PLCG2: variants seen among roughly 807,000 people sequenced by gnomAD.
PLCG2 encodes 1-phosphatidylinositol 4,5-bisphosphate phosphodiesterase gamma-2.
In PLCG2, 69 loss-of-function variants were observed where a neutral mutation model predicts 175.6. The ratio of observed to expected loss-of-function variants is 0.39; its 90% confidence interval spans 0.32 to 0.48. PLCG2 has a LOEUF of 0.48. PLCG2 is among the 20% of genes least tolerant of loss of function. The pLI is 0.91. For synonymous variants in PLCG2, 827 were observed against 624.0 expected (o/e 1.33, Z -4.85); for missense variants, 1,798 against 1,650.9 (o/e 1.09, Z -1.54).
rs1050583044 is a variant in PLCG2 at position 81,960,829 on chromosome 16, C to T, written c.*2831C>T. On this transcript the variant is annotated 3_prime_UTR_variant, in exon 33 of 33. Transcript: ENST00000564138. ...ACCCCTGGGAGTATACCAGAGCTTTCCAAGGAATACACAGACTCCAGTACT... is the reference window on the plus strand; with the variant it reads ...ACCCCTGGGAGTATACCAGAGCTTTTCAAGGAATACACAGACTCCAGTACT... The T allele has an allele frequency of 1.7e-5, 4 of 229,540 alleles. No individual in the cohort carries two copies. The highest frequency in any genetic ancestry group is 8.9e-5 in the African/African-American group (4 of 45,130). 14.2% of individuals were successfully genotyped at this position (229,540 alleles called of 1,614,324 possible).
intron 1 of PLCG2, among the ~76,000 whole-genome samples, chr16:81,751,781 G>A (rs1597302776): frequency 6.6e-6 from 1 of 152,108 alleles, no homozygotes. Context: ...TAGCCCTTTG[G>A]GAAGTCACGG....
At chr16:81,918,018 C>T (rs575349182) in intron 19 of PLCG2, among the ~76,000 whole-genome samples, 7 of 152,302 alleles carry the variant, frequency 4.6e-5, no homozygotes, top group South Asian at 2.1e-4. Flanking sequence ...CCACCACGCC[C>T]GGCCTTTGTC....
At chr16:81,929,205 G>A (rs1326558734) in intron 24 of PLCG2, among the ~76,000 whole-genome samples, 1 of 152,178 alleles carries the variant, frequency 6.6e-6, no homozygotes, top group African/African-American at 2.4e-5. Context: ...CCTGGGTCTT[G>A]AGCCTGCCTG....
At chr16:81,827,769 TTAC>T (rs1905102027) in intron 2 of PLCG2, among the ~76,000 whole-genome samples, 1 of 152,034 alleles carries the variant, frequency 6.6e-6, no homozygotes, top group African/African-American at 2.4e-5. Context: ...ATGTAGGTTG[TTAC>T]TGTGAAATCT....
intron 2 of PLCG2, among the ~76,000 whole-genome samples, chr16:81,772,327 C>A (rs899889948): frequency 1.3e-5 from 2 of 152,152 alleles, no homozygotes; most frequent in Non-Finnish European, 2.9e-5. Context: ...GGCAGATTCT[C>A]ACCTAGGGCC....
chr16:81,806,865 C>G (rs1483627443), intron 2 of PLCG2, among the ~76,000 whole-genome samples: 2 of 151,654 alleles, frequency 1.3e-5, no homozygotes, highest in African/African-American at 2.4e-5. Flanking sequence ...GATAGCCAGC[C>G]AAGCAGGGTG....
At chr16:81,858,438 G>GA (rs67392656) in intron 4 of PLCG2, 82 bp downstream of exon 4, 536 of 579,832 alleles carry the variant, frequency 9.2e-4, no homozygotes, top group East Asian at 3.2e-3. Flanking sequence ...CTACAGGGGG[G>GA]AAAAAAAAAA....
At chr16:81,758,243 G>C (rs1368922061) in intron 2 of PLCG2, among the ~76,000 whole-genome samples, 1 of 152,218 alleles carries the variant, frequency 6.6e-6, no homozygotes, top group Non-Finnish European at 1.5e-5. Flanking sequence ...CTCCCAAAGT[G>C]CTGGGATTAG....
At chr16:81,834,432 G>C (rs1334278194) in intron 2 of PLCG2, among the ~76,000 whole-genome samples, 1 of 152,126 alleles carries the variant, frequency 6.6e-6, no homozygotes, top group African/African-American at 2.4e-5. Context: ...TAGACTGGCA[G>C]GACTCAGACC....
chr16:81,808,536 C>T (rs112311537), intron 2 of PLCG2, among the ~76,000 whole-genome samples: 47 of 152,148 alleles, frequency 3.1e-4, no homozygotes, highest in African/African-American at 9.4e-4. Flanking sequence ...CTCTGTCGCC[C>T]AGGCTGGAGT....
chr16:81,825,283 ATTTTTTTTT>A, intron 2 of PLCG2, among the ~76,000 whole-genome samples: 2 of 115,898 alleles, frequency 1.7e-5, no homozygotes, highest in South Asian at 2.7e-4. Context: ...AGATGCTCTA[ATTTTTTTTT>A]TTTTTTTTTT....
chr16:81,807,749 G>A (rs1010018963), intron 2 of PLCG2, among the ~76,000 whole-genome samples: 1 of 152,198 alleles, frequency 6.6e-6, no homozygotes, highest in Non-Finnish European at 1.5e-5. Flanking sequence ...TTGACTCACA[G>A]TTCAGCATGG....
chr16:81,919,679 C>A lies in PLCG2; in HGVS notation c.2235+15C>A. 6.2e-7 allele frequency: 1 copy of A among 1,601,064 alleles called. No individual in the cohort carries two copies. On this transcript the variant is annotated intron_variant, in intron 20 of 32. Transcript: ENST00000564138. ...GCTACAATATGGTAGGTGGTGGACT[C>A]CCTTGTGATTTGGTGGGATTTCTTG...
chr16:81,895,616 T>G (rs1053303973), intron 12 of PLCG2, 191 bp from the exon 13 acceptor site: 12 of 571,140 alleles, frequency 2.1e-5, no homozygotes, highest in Admixed American at 1.3e-4. Flanking sequence ...CTTGGACAGC[T>G]GCACTTGCAT....
intron 2 of PLCG2, among the ~76,000 whole-genome samples, chr16:81,761,870 C>T (rs1419969644): frequency 6.9e-6 from 1 of 144,830 alleles, no homozygotes; most frequent in Admixed American, 7.1e-5. Flanking sequence ...CTTGTTCTGT[C>T]ACCCAGGCTG....
chr16:81,933,668 T>C (rs548812101), intron 25 of PLCG2, among the ~76,000 whole-genome samples: 1 of 152,056 alleles, frequency 6.6e-6, no homozygotes, highest in South Asian at 2.1e-4. Flanking sequence ...AGGGTGTGGA[T>C]TGACTTAGGT....
chr16:81,931,565 C>A lies in PLCG2; in HGVS notation c.2650C>A (p.Pro884Thr). 6.2e-7 allele frequency: 1 copy of A among 1,614,016 alleles called. No individual in the cohort carries two copies. The highest frequency in any genetic ancestry group is 8.5e-7 in the Non-Finnish European group (1 of 1,179,944). Reference protein sequence around the residue: ...FILEPKQQGDPPVEFATDRVE... With the variant: ...FILEPKQQGDTPVEFATDRVE... ...CCTGGAGCCCAAGCAGCAGGGCGAT[C>A]CTCCGGTGGAGTTTGCCACAGACAG... Residue 884 changes from proline to threonine, a missense_variant, in exon 25 of 33, where the codon CCT (proline) becomes ACT (threonine). Physicochemically the swap from Pro to Thr is conservative, Grantham distance 38 (BLOSUM62 -1). Coordinates refer to ENST00000564138, the MANE Select transcript of PLCG2 (RefSeq NM_002661.5).
chr16:81,959,036 G>T lies in PLCG2; in HGVS notation c.*1038G>T, dbSNP rs539380046. The T allele has an allele frequency of 2.7e-5, 6 of 223,272 alleles. No homozygotes were observed. The highest frequency in any genetic ancestry group is 3.7e-4 in the South Asian group (2 of 5,440). 13.8% of individuals were successfully genotyped at this position (223,272 alleles called of 1,614,324 possible). ...CATGACAGTATGTGCGGCTGGCCAG[G>T]GCTTTACACCTCTGCATCTTAAGTT... On this transcript the variant is annotated 3_prime_UTR_variant, in exon 33 of 33. Transcript: ENST00000564138.
At chr16:81,850,366 A>G (rs1418161941) in intron 2 of PLCG2, among the ~76,000 whole-genome samples, 41 of 152,212 alleles carry the variant, frequency 2.7e-4, no homozygotes, top group Admixed American at 2.6e-3. Context: ...CAAACAAACA[A>G]AAAAGTTTCA....
Sources: gnomAD v4.1 joint callset for allele counts (sites outside exome capture counted in the v4.1 genomes callset) on GRCh38, gnomAD v4.1.1 for gene constraint, MANE v1.5 for transcripts, NCBI Gene and HGNC (gene_info 2026-07-23, HGNC 2026-07-21) for gene names.